ZNF107: variants seen among roughly 807,000 people sequenced by gnomAD.
The protein encoded by ZNF107 is C2H2 type zinc-finger protein.
Under a neutral mutation model 12.3 loss-of-function variants are expected in ZNF107, and 19 were observed. The observed-to-expected ratio is 1.55, with a 90% CI of 1.08 to 2.27. ZNF107 has a LOEUF of 2.27. Ranked by LOEUF, ZNF107 falls within the 30% of genes most tolerant of loss-of-function variation. The pLI is 0.00. For missense variants in ZNF107, 958 were observed against 979.9 expected (o/e 0.98, Z 0.30); for synonymous variants, 317 against 330.5 (o/e 0.96, Z 0.44).
chr7:64,669,447 GAAAT>G (rs1385941901), intron 1 of ZNF107, among the ~76,000 whole-genome samples: 1 of 151,952 alleles, frequency 6.6e-6, no homozygotes, highest in Non-Finnish European at 1.5e-5. Context: ...TCGTCTGAAA[GAAAT>G]AAATACTTTG....
At chr7:64,686,448 C>T (rs889639843) in intron 1 of ZNF107, 3 of 935,420 alleles carry the variant, frequency 3.2e-6, no homozygotes, top group Non-Finnish European at 3.8e-6. Flanking sequence ...CACCCCCACC[C>T]CAAGATCTCT....
chr7:64,696,516 A>G (rs1017458677), intron 3 of ZNF107, among the ~76,000 whole-genome samples: 33 of 152,208 alleles, frequency 2.2e-4, no homozygotes, highest in Admixed American at 9.2e-4. Flanking sequence ...CCTGGTCTCA[A>G]AAAAATATAC....
At chr7:64,683,922 CA>C (rs1168988141) in intron 1 of ZNF107, among the ~76,000 whole-genome samples, 1 of 152,172 alleles carries the variant, frequency 6.6e-6, no homozygotes, top group Non-Finnish European at 1.5e-5. Context: ...AAGGCTGCAG[CA>C]GTTTTTACCT....
chr7:64,673,076 C>T (rs1208624355), intron 1 of ZNF107, among the ~76,000 whole-genome samples: 3 of 152,156 alleles, frequency 2.0e-5, no homozygotes, highest in Non-Finnish European at 4.4e-5. Flanking sequence ...TGGAGTCACA[C>T]TCTGTTGCCC....
intron 3 of ZNF107, among the ~76,000 whole-genome samples, chr7:64,704,906 C>T (rs1790589723): frequency 6.6e-6 from 1 of 152,156 alleles, no homozygotes. Context: ...TCTTGAACTC[C>T]TGCCACAAGT....
In ZNF107 at chr7:64,691,371, T is replaced by G; in HGVS notation, c.127T>G (p.Leu43Val). 2 of 1,478,276 alleles carry G rather than the reference T, an allele frequency of 1.4e-6. No homozygotes were observed. Among genetic ancestry groups the G allele is most frequent in the Non-Finnish European group, 1.8e-6 (2 of 1,114,894 alleles). The allele number at this position is 1,478,276 out of a possible 1,614,324, so 91.6% of individuals were successfully genotyped here. ...AGAGAACTACAGAAACCTGGTCTTT[T>G]TGGGTGAGGATAACTTCAATACACA... ...LLENYRNLVF[L>V]GIAVSKPYLI... Residue 43 changes from leucine to valine, a missense_variant, in exon 2 of 4, where the codon TTG (leucine) becomes GTG (valine). Physicochemically the swap from Leu to Val is conservative, Grantham distance 32. Coordinates refer to ENST00000620827, the MANE Select transcript of ZNF107 (RefSeq NM_001282359.2).
Position 64,709,882 on chromosome 7 carries a change from T to C in ZNF107, c.*1226T>C. On this transcript the variant is annotated 3_prime_UTR_variant, in exon 4 of 4. Coordinates refer to ENST00000620827, the MANE Select transcript of ZNF107 (RefSeq NM_001282359.2). ...GCTCACATCTGTAATGCCAGCACTT[T>C]GGGAGGCCAAGGTGGGTGGATCACC... 5.5e-6 allele frequency: 2 copies of C among 365,932 alleles called. No homozygotes were observed. Among genetic ancestry groups the C allele is most frequent in the Admixed American group, 3.9e-5 (1 of 25,624 alleles). 22.7% of individuals were successfully genotyped at this position (365,932 alleles called of 1,614,324 possible).
At chr7:64,674,944 G>C (rs879188032) in intron 1 of ZNF107, among the ~76,000 whole-genome samples, 1 of 152,160 alleles carries the variant, frequency 6.6e-6, no homozygotes, top group Non-Finnish European at 1.5e-5. Flanking sequence ...TTATATGCCA[G>C]GGATAAAGTC....
intron 1 of ZNF107, among the ~76,000 whole-genome samples, chr7:64,684,361 G>A (rs1446534989): frequency 6.6e-6 from 1 of 152,034 alleles, no homozygotes; most frequent in African/African-American, 2.4e-5. Flanking sequence ...GGACACTCTG[G>A]CCAGACAGCC....
At chr7:64,666,597 C>T (rs1455963006) in intron 1 of ZNF107, among the ~76,000 whole-genome samples, 1 of 152,212 alleles carries the variant, frequency 6.6e-6, no homozygotes, top group Admixed American at 6.5e-5. Context: ...GCATCTCTCC[C>T]CGATTGTGCA....
chr7:64,691,452 T>C, intron 2 of ZNF107, 78 bp downstream of exon 2: 1 of 1,213,904 alleles, frequency 8.2e-7, no homozygotes, highest in East Asian at 3.7e-5. Flanking sequence ...TGTTTTCTGG[T>C]AATTTATGCT....
intron 1 of ZNF107, among the ~76,000 whole-genome samples, chr7:64,688,326 G>C (rs963133021): frequency 2.0e-5 from 3 of 146,368 alleles, no homozygotes; most frequent in African/African-American, 7.6e-5. Flanking sequence ...GCATGATCTC[G>C]GCTCACTGCA....
chr7:64,705,276 A>T (rs1482540206), intron 3 of ZNF107, among the ~76,000 whole-genome samples: 4 of 150,244 alleles, frequency 2.7e-5, no homozygotes, highest in Non-Finnish European at 5.9e-5. Flanking sequence ...TTTTACATTA[A>T]TTTTTCTTTT....
intron 1 of ZNF107, among the ~76,000 whole-genome samples, chr7:64,688,400 G>A (rs777995422): frequency 2.2e-4 from 34 of 151,794 alleles, no homozygotes; most frequent in Admixed American, 5.3e-4. Flanking sequence ...GGGATTACAA[G>A]CACGCACCAA....
Position 64,707,999 on chromosome 7 carries a change from A to G in ZNF107, c.1902A>G (p.Ser634=). ...ATGGCAAAGTTTTTAACCAGTCCTC[A>G]AACCTTACTACACAAAAGATAATTC... The part of the protein sequence containing the change: ...EEHGKVFNQS[S]NLTTQKIIHT... Residue 634 remains serine, a synonymous_variant, in exon 4 of 4, where the codon TCA becomes TCG. Coordinates refer to ENST00000620827, the MANE Select transcript of ZNF107 (RefSeq NM_001282359.2). 1 of 1,613,360 alleles carries G rather than the reference A, an allele frequency of 6.2e-7. No individual in the cohort carries two copies. Among genetic ancestry groups the G allele is most frequent in the Non-Finnish European group, 8.5e-7 (1 of 1,179,700 alleles).
intron 1 of ZNF107, among the ~76,000 whole-genome samples, chr7:64,674,645 G>A (rs1305166363): frequency 1.3e-5 from 2 of 152,164 alleles, no homozygotes; most frequent in Non-Finnish European, 2.9e-5. Flanking sequence ...ATGTTGAATA[G>A]GAGTGGTGAG....
At chr7:64,671,000 G>A (rs1177233148) in intron 1 of ZNF107, among the ~76,000 whole-genome samples, 1 of 152,178 alleles carries the variant, frequency 6.6e-6, no homozygotes, top group Non-Finnish European at 1.5e-5. Context: ...TGACTCTGGG[G>A]TCAGAATTCA....
chr7:64,686,308 T>G (rs1472724109), intron 1 of ZNF107, among the ~76,000 whole-genome samples: 11 of 152,070 alleles, frequency 7.2e-5, no homozygotes, highest in Admixed American at 7.2e-4. Context: ...GGCCCCTCAT[T>G]TCCATCATTC....
At position 64,686,405 on chromosome 7, in the gene ZNF107, C is replaced by T. The variant is rs562052551; in HGVS notation, c.4-4843C>T. 3.0e-5 allele frequency: 16 copies of T among 526,606 alleles called. No individual in the cohort carries two copies. In the South Asian group the frequency reaches 4.2e-4, roughly 14 times the overall value. The allele number at this position is 526,606 out of a possible 1,614,324, so 32.6% of individuals were successfully genotyped here. A position where few individuals can be genotyped will look rare whatever the true frequency, so the allele number is the denominator to read the frequency against. ...TCAAGCTATTACCAATCAATCTATG[C>T]GACAAATGCTACTCCTAACTGCCCC... On this transcript the variant is annotated intron_variant, in intron 1 of 3. Coordinates refer to ENST00000620827, the MANE Select transcript of ZNF107 (RefSeq NM_001282359.2).
Sources: allele counts gnomAD v4.1 joint callset (sites outside exome capture counted in the v4.1 genomes callset), GRCh38; gene constraint gnomAD v4.1.1; transcripts MANE v1.5; gene names NCBI Gene and HGNC (gene_info 2026-07-23, HGNC 2026-07-21).